The following CEP250 variants were observed in gnomAD, a reference collection of about 807,000 sequenced individuals.
The protein encoded by CEP250 is centrosomal protein 250.
CEP250 carries 242 observed loss-of-function variants against 315.7 expected under a neutral mutation model. The observed-to-expected ratio is 0.77, with a 90% confidence interval of 0.69 to 0.85. The LOEUF (loss-of-function observed/expected upper bound fraction) is 0.85, where lower values mean the gene tolerates loss of function less well. Among genes scored for constraint, CEP250 ranks in the 40% least tolerant of loss-of-function variants. The pLI is 0.00. For missense variants in CEP250, 2,515 were observed against 2,886.4 expected, an observed-to-expected ratio of 0.87 and a Z score of 2.95; for synonymous variants, 1,088 against 1,175.0, an observed-to-expected ratio of 0.93 and a Z score of 1.51.
chr20:35,497,605 TC>T (rs1323384701), intron 25 of CEP250, 113 bp from the exon 26 acceptor site: 3 of 739,780 alleles, frequency 4.1e-6, no homozygotes, highest in Non-Finnish European at 6.6e-6. Context: ...TGAGCTGAAA[TC>T]CTCCCAGCCC....
Position 35,470,215 on chromosome 20 carries a change from G to A in CEP250, c.948+229G>A, listed in dbSNP as rs1280022532. Reference sequence around the variant, plus strand: ...ACTGTATTCCTGGGGAAATTGCAATGGCATATGTATGCAGTGTGTCCTTAC... The same window carrying A: ...ACTGTATTCCTGGGGAAATTGCAATAGCATATGTATGCAGTGTGTCCTTAC... On this transcript the variant is annotated intron_variant, in intron 10 of 34. Transcript: ENST00000397527. The A allele has an allele frequency of 1.0e-5, 6 of 583,380 alleles. No individual in the cohort carries two copies. In the Admixed American group the frequency reaches 1.3e-4, roughly 12 times the overall value. 36.1% of individuals were successfully genotyped at this position (583,380 alleles called of 1,614,324 possible).
At position 35,504,361 on chromosome 20, in the gene CEP250, A is replaced by C. The variant is rs762165529; in HGVS notation, c.5992A>C (p.Thr1998Pro). The change falls in exon 30 of 35, where the codon ACT (threonine) becomes CCT (proline). Residue 1998 changes from threonine to proline, a missense_variant. Physicochemically the swap from Thr to Pro is conservative, Grantham distance 38 (BLOSUM62 -1). Transcript: ENST00000397527. ...ATTGAGCCGCAGTCTGGAGGCCAGC[A>C]CTGCAACCCTGCAAGCCTCCCTGGA... Reference protein sequence around the residue: ...AELSRSLEASTATLQASLDAC... With the variant: ...AELSRSLEASPATLQASLDAC... 1.3e-6 allele frequency: 2 copies of C among 1,598,428 alleles called. No homozygotes were observed. Among genetic ancestry groups the C allele is most frequent in the Non-Finnish European group, 1.7e-6 (2 of 1,172,624 alleles).
At chr20:35,497,615 C>T in intron 25 of CEP250, 104 bp from the exon 26 acceptor site, 1 of 799,230 alleles carries the variant, frequency 1.3e-6, no homozygotes, top group South Asian at 1.8e-5. Context: ...TCCTCCCAGC[C>T]CTGATCAGAG....
At chr20:35,505,078 C>A in intron 30 of CEP250, 73 bp downstream of exon 30, 1 of 1,322,764 alleles carries the variant, frequency 7.6e-7, no homozygotes, top group Non-Finnish European at 1.0e-6. Flanking sequence ...CTGCCCACCA[C>A]CCTGGGCCCT....
chr20:35,512,080 A>G lies in CEP250; in HGVS notation c.*454A>G. On this transcript the variant is annotated 3_prime_UTR_variant, in exon 35 of 35. Transcript: ENST00000397527. Reference sequence around the variant, plus strand: ...ATTCCTGTTGAGGTAGCATGCATTTATTGTACACCATGCACTGTGATAGGG... The same window carrying G: ...ATTCCTGTTGAGGTAGCATGCATTTGTTGTACACCATGCACTGTGATAGGG... The G allele has an allele frequency of 1.0e-6, 1 of 997,360 alleles. No individual in the cohort carries two copies. Among genetic ancestry groups the G allele is most frequent in the Non-Finnish European group, 1.2e-6 (1 of 832,440 alleles). 61.8% of individuals were successfully genotyped at this position (997,360 alleles called of 1,614,324 possible).
intron 30 of CEP250, among the ~76,000 whole-genome samples, chr20:35,506,421 C>A (rs550285989): frequency 6.6e-6 from 1 of 152,140 alleles, no homozygotes; most frequent in Non-Finnish European, 1.5e-5. Context: ...GTCTTAGTCA[C>A]CTTTGTACCC....
At chr20:35,473,831 TCC>T in intron 13 of CEP250, 37 bp from the exon 14 acceptor site, 1 of 1,558,854 alleles carries the variant, frequency 6.4e-7, no homozygotes, top group Non-Finnish European at 8.7e-7. Flanking sequence ...GAATTTTAGG[TCC>T]TATGGTCTCT....
At chr20:35,498,847 C>A in intron 27 of CEP250, 131 bp downstream of exon 27, 1 of 1,075,574 alleles carries the variant, frequency 9.3e-7, no homozygotes, top group Non-Finnish European at 1.3e-6. Context: ...CTATCACTTA[C>A]CACCTGGCAA....
chr20:35,481,644 G>A (rs2063346900), intron 20 of CEP250, among the ~76,000 whole-genome samples: 2 of 145,220 alleles, frequency 1.4e-5, no homozygotes, highest in Non-Finnish European at 3.0e-5. Flanking sequence ...TTTGCCTGAA[G>A]TAGGATTTTC....
At position 35,472,604 on chromosome 20, in the gene CEP250, G is replaced by T. The variant is rs781712255; in HGVS notation, c.1051-69G>T. ...AAACATCAGGTTTGTCCAGGCTATA[G>T]GGTTAAGTCCCTCTATAGACTCTAG... On this transcript the variant is annotated intron_variant, in intron 11 of 34. Transcript: ENST00000397527. 1.4e-4 allele frequency: 219 copies of T among 1,517,714 alleles called. 1 individual carries two copies. The Middle Eastern group carries it at 2.2e-3, about 16-fold the overall frequency. 94.0% of individuals were successfully genotyped at this position (1,517,714 alleles called of 1,614,324 possible).
In CEP250 at chr20:35,511,894, C is replaced by T; in HGVS notation, c.*268C>T. On this transcript the variant is annotated 3_prime_UTR_variant, in exon 35 of 35. Coordinates refer to ENST00000397527, the MANE Select transcript of CEP250 (RefSeq NM_007186.6). The stretch of plus-strand genomic sequence containing the variant: ...TGGCTGAGGGACATGTACTGCCTCT[C>T]ATCTAGAATTTATTTTCCTAGCACT... 1.6e-6 allele frequency: 2 copies of T among 1,257,442 alleles called. No homozygotes were observed. The highest frequency in any genetic ancestry group is 2.0e-6 in the Non-Finnish European group (2 of 1,001,410). 77.9% of individuals were successfully genotyped at this position (1,257,442 alleles called of 1,614,324 possible).
At position 35,503,846 on chromosome 20, in the gene CEP250, A is replaced by G. The variant is rs1366486053; in HGVS notation, c.5477A>G (p.Gln1826Arg). 4 of 1,613,896 alleles carry G rather than the reference A, an allele frequency of 2.5e-6. No homozygotes were observed. Among genetic ancestry groups the G allele is most frequent in the African/African-American group, 1.3e-5 (1 of 74,906 alleles). The change falls in exon 30 of 35, where the codon CAG becomes CGG. Residue 1826 changes from glutamine to arginine, a missense_variant. Transcript: ENST00000397527. The surrounding 1 kb of genome is among the most constrained non-coding windows in gnomAD (Gnocchi z 4.2). ...GAACTGGAGGCTCTGCAGCAAGAAC[A>G]GCAGCAGGCCCAGGGACAGGAGGAG... ...DQELEALQQE[Q>R]QQAQGQEERV... is the part of the protein sequence containing the mutation.
At chr20:35,487,655 C>T (rs1475062648) in intron 20 of CEP250, among the ~76,000 whole-genome samples, 8 of 152,058 alleles carry the variant, frequency 5.3e-5, no homozygotes, top group Non-Finnish European at 1.2e-4. Flanking sequence ...TCACTCAGGG[C>T]TGGGCGTGGT....
At chr20:35,510,146 A>C in intron 34 of CEP250, 92 bp downstream of exon 34, 1 of 1,186,750 alleles carries the variant, frequency 8.4e-7, no homozygotes, top group Non-Finnish European at 1.3e-6. Flanking sequence ...TCCTCCCTTC[A>C]GAGAACTTCA....
chr20:35,473,245 G>A, intron 12 of CEP250, 129 bp from the exon 13 acceptor site: 3 of 705,188 alleles, frequency 4.3e-6, no homozygotes, highest in Non-Finnish European at 7.1e-6. Context: ...TTGAATAGTT[G>A]CATCTCCCTT....
chr20:35,466,042 TGA>T lies in CEP250; in HGVS notation c.334_335del (p.Leu113SerfsTer15). The stretch of plus-strand genomic sequence containing the variant: ...CTTTTACCCCTCCCCAGTGCAGGTG[TGA>T]GAGTCTAGCAGAGGTGAACACCCAG... ...VRLEEEQQRC[E>X]SLAEVNTQLR... is the part of the protein sequence containing the mutation. On this transcript the variant is annotated frameshift_variant, in exon 7 of 35. Coordinates refer to ENST00000397527, the MANE Select transcript of CEP250 (RefSeq NM_007186.6). LOFTEE classifies it high-confidence loss of function. The T allele has an allele frequency of 1.9e-6, 3 of 1,614,142 alleles. No individual in the cohort carries two copies. The highest frequency in any genetic ancestry group is 1.7e-6 in the Non-Finnish European group (2 of 1,180,016).
In CEP250 at chr20:35,466,173, G is replaced by A. The variant is rs375906452; in HGVS notation, c.461G>A (p.Arg154Lys). 5 of 1,606,178 alleles carry A rather than the reference G, an allele frequency of 3.1e-6. No individual in the cohort carries two copies. The African/African-American group carries it at 5.4e-5, about 17-fold the overall frequency. Residue 154 changes from arginine (R) to lysine (K), a missense_variant, in exon 7 of 35, where the codon AGG (arginine) becomes AAG (lysine). By Grantham distance (26) the Arg-to-Lys change is conservative. Coordinates refer to ENST00000397527, the MANE Select transcript of CEP250 (RefSeq NM_007186.6). ...AGCCGGGCCCGGGATGAGCTAATGA[G>A]GAAGGAGAGCCAGTGGCAGATGGAG... The part of the protein sequence containing the change: ...DWSRARDELM[R>K]KESQWQMEQE...
At chr20:35,477,825 C>T in intron 16 of CEP250, 46 bp from the exon 17 acceptor site, 3 of 1,444,738 alleles carry the variant, frequency 2.1e-6, no homozygotes, top group Non-Finnish European at 2.9e-6. Context: ...CCTAAACTAA[C>T]CATTTGTCTT....
chr20:35,488,231 T>G (rs1484552793), intron 20 of CEP250, among the ~76,000 whole-genome samples: 1 of 152,226 alleles, frequency 6.6e-6, no homozygotes, highest in Non-Finnish European at 1.5e-5. Context: ...GATCAGTTTT[T>G]TTAACACTTG....
Sources: gnomAD v4.1 joint callset for allele counts (sites outside exome capture counted in the v4.1 genomes callset) on GRCh38, gnomAD v4.1.1 for gene constraint, Gnocchi (gnomAD v3.1) non-coding constraint, MANE v1.5 for transcripts, NCBI Gene and HGNC (gene_info 2026-07-23, HGNC 2026-07-21) for gene names.